The following TRIM2 variants were observed in gnomAD, a reference collection of about 807,000 sequenced individuals.
The protein encoded by TRIM2 is tripartite motif containing 2.
TRIM2 carries 20 observed loss-of-function variants against 75.2 expected under a neutral mutation model. The ratio of observed to expected loss-of-function variants is 0.27; its 90% CI spans 0.19 to 0.39. TRIM2 has a LOEUF of 0.39. Ranked by LOEUF, TRIM2 falls within the 10% of genes least tolerant of loss-of-function variation. The pLI, the probability that TRIM2 is intolerant of heterozygous loss-of-function variation, is 1.00. For missense variants in TRIM2, 660 were observed against 990.8 expected, an observed-to-expected ratio of 0.67 and a Z score of 4.48; for synonymous variants, 373 against 388.3, an observed-to-expected ratio of 0.96 and a Z score of 0.46.
intron 1 of TRIM2, among the ~76,000 whole-genome samples, chr4:153,246,137 T>C (rs1444738488): frequency 6.6e-6 from 1 of 152,182 alleles, no homozygotes. Context: ...ACAGCAACAA[T>C]AGTTCACATA....
At chr4:153,160,870 A>G (rs971219812) in intron 1 of TRIM2, among the ~76,000 whole-genome samples, 1 of 152,044 alleles carries the variant, frequency 6.6e-6, no homozygotes, top group African/African-American at 2.4e-5. Flanking sequence ...TAGCCTCCCG[A>G]AGTGCTGCAG....
At chr4:153,206,714 G>A (rs1182019142) in intron 1 of TRIM2, among the ~76,000 whole-genome samples, 1 of 152,134 alleles carries the variant, frequency 6.6e-6, no homozygotes. Flanking sequence ...GTGTGTATGG[G>A]TGGAGTAGGG....
chr4:153,198,283 G>T (rs1056376285), intron 1 of TRIM2, among the ~76,000 whole-genome samples: 1 of 152,120 alleles, frequency 6.6e-6, no homozygotes, highest in Non-Finnish European at 1.5e-5. Context: ...CAGAATTCCC[G>T]CATGTTGTGG....
chr4:153,316,053 A>G (rs1253179496), intron 8 of TRIM2, 54 bp downstream of exon 8: 19 of 1,478,480 alleles, frequency 1.3e-5, no homozygotes, highest in Non-Finnish European at 1.7e-5. Flanking sequence ...AACAGGAAAT[A>G]CAAAATGAAA....
intron 1 of TRIM2, among the ~76,000 whole-genome samples, chr4:153,197,656 G>C (rs1420926769): frequency 1.3e-5 from 2 of 152,122 alleles, no homozygotes; most frequent in East Asian, 3.9e-4. Context: ...TGGATTACCT[G>C]AGGTCAGGAG....
intron 1 of TRIM2, among the ~76,000 whole-genome samples, chr4:153,235,536 T>C (rs1376350164): frequency 6.6e-6 from 1 of 152,148 alleles, no homozygotes; most frequent in African/African-American, 2.4e-5. Context: ...TCCACCTGCC[T>C]CAGCCTCCCA....
intron 6 of TRIM2, chr4:153,310,409 T>C (rs1241660196): frequency 6.6e-6 from 1 of 152,220 alleles, no homozygotes; most frequent in East Asian, 1.9e-4. Flanking sequence ...GAGTAAGGCA[T>C]GATCCCAAAT....
In TRIM2 at chr4:153,231,694, C is replaced by T. The variant is rs115775452; in HGVS notation, c.30+27134C>T. ...GGCATGAGGGAGAATCTGCTCCATG[C>T]CTCTGTCCTAGCATCCGGCTGTCCC... is the stretch of plus-strand genomic sequence containing the variant. On this transcript the variant is annotated intron_variant, in intron 1 of 11. Coordinates refer to ENST00000338700, the MANE Select transcript of TRIM2 (RefSeq NM_015271.5). Among the ~76,000 whole-genome samples, 927 of 152,238 alleles carry T rather than the reference C, an allele frequency of 6.1e-3. 11 individuals carry two copies. The highest frequency in any genetic ancestry group is 0.021 in the African/African-American group (859 of 41,558).
chr4:153,308,765 TG>T, intron 6 of TRIM2: 1 of 524,656 alleles, frequency 1.9e-6, no homozygotes, highest in Non-Finnish European at 3.9e-6. Context: ...GCAGATATTT[TG>T]AAGGAAGCTG....
rs1365103211 is a variant in TRIM2 at position 153,171,926 on chromosome 4, GT to G, written c.-49+18661del. Reference sequence around the variant, plus strand: ...CACTATGGATAACTAACAGATAAGGGTTTTTAAAAAGTAACCACCATGGAAT... The same window carrying G: ...CACTATGGATAACTAACAGATAAGGGTTTTAAAAAGTAACCACCATGGAAT... On this transcript the variant is annotated intron_variant, in intron 1 of 11. Transcript: ENST00000437508. Among the ~76,000 whole-genome samples, 4 of 145,984 alleles carry G rather than the reference GT, an allele frequency of 2.7e-5. No homozygotes were observed. In the East Asian group the frequency reaches 8.2e-4, roughly 30 times the overall value.
At chr4:153,313,955 A>G (rs1766952383) in intron 6 of TRIM2, among the ~76,000 whole-genome samples, 1 of 152,172 alleles carries the variant, frequency 6.6e-6, no homozygotes, top group Non-Finnish European at 1.5e-5. Context: ...TCTTTTGAAT[A>G]TAAATGAAAT....
intron 1 of TRIM2, among the ~76,000 whole-genome samples, chr4:153,181,415 T>C (rs562252840): frequency 9.9e-5 from 15 of 152,070 alleles, no homozygotes; most frequent in South Asian, 2.1e-4. Context: ...GCAGCGACCA[T>C]GTGATGGCCA....
chr4:153,279,965 G>C (rs936740201), intron 3 of TRIM2, among the ~76,000 whole-genome samples: 13 of 151,614 alleles, frequency 8.6e-5, no homozygotes, highest in Non-Finnish European at 1.5e-4. Context: ...AAAAAGCAGG[G>C]GGGGATAGTG....
intron 1 of TRIM2, among the ~76,000 whole-genome samples, chr4:153,244,349 T>TCTTCC (rs1748042751): frequency 6.6e-5 from 2 of 30,476 alleles, no homozygotes; most frequent in East Asian, 5.8e-4. Flanking sequence ...CTTCTTCTTC[T>TCTTCC]TCTTCCTCTT....
intron 10 of TRIM2, among the ~76,000 whole-genome samples, chr4:153,326,735 C>T (rs867940820): frequency 1.3e-5 from 2 of 152,234 alleles, no homozygotes; most frequent in South Asian, 2.1e-4. Context: ...AATCCCAGCA[C>T]TCTGGGACGC....
At chr4:153,316,794 G>A (rs1213133394) in intron 8 of TRIM2, among the ~76,000 whole-genome samples, 4 of 145,746 alleles carry the variant, frequency 2.7e-5, no homozygotes, top group African/African-American at 5.1e-5. Context: ...GTATCAGCCC[G>A]CCCATTTTCT....
intron 6 of TRIM2, among the ~76,000 whole-genome samples, chr4:153,299,624 C>T (rs951748477): frequency 6.6e-6 from 1 of 152,164 alleles, no homozygotes; most frequent in Non-Finnish European, 1.5e-5. Context: ...AGTTTAACTT[C>T]CTTGTAGTTT....
intron 1 of TRIM2, among the ~76,000 whole-genome samples, chr4:153,158,729 G>A (rs1729465350): frequency 6.6e-6 from 1 of 152,214 alleles, no homozygotes; most frequent in East Asian, 1.9e-4. Flanking sequence ...GCTAGAAGAG[G>A]GGAAACTGAT....
At chr4:153,194,698 C>A (rs903888628) in intron 1 of TRIM2, among the ~76,000 whole-genome samples, 10 of 152,098 alleles carry the variant, frequency 6.6e-5, no homozygotes, top group African/African-American at 2.4e-4. Flanking sequence ...TCACTAGTGT[C>A]AAAATGCATC....
Sources: gnomAD v4.1 joint callset for allele counts (sites outside exome capture counted in the v4.1 genomes callset) on GRCh38, gnomAD v4.1.1 for gene constraint, MANE v1.5 for transcripts, NCBI Gene and HGNC (gene_info 2026-07-23, HGNC 2026-07-21) for gene names.